TAFA5: variants seen among roughly 807,000 people sequenced by gnomAD.
TAFA5 encodes the protein TAFA chemokine like family member 5.
A neutral mutation model predicts 15.3 loss-of-function variants in TAFA5; 6 were observed. The observed-to-expected ratio is 0.39, with a 90% CI of 0.21 to 0.77. TAFA5 has a LOEUF of 0.77. Among genes scored for constraint, TAFA5 ranks in the 30% least tolerant of loss-of-function variants. The probability of loss-of-function intolerance (pLI) is 0.41; values close to 1 mark genes in which losing one functional copy is unlikely to be tolerated. For synonymous variants in TAFA5, 103 were observed against 80.7 expected (o/e 1.28, Z -1.48); for missense variants, 161 against 193.1 (o/e 0.83, Z 0.98).
At chr22:48,716,803 C>CTG (rs777709921) in intron 3 of TAFA5, among the ~76,000 whole-genome samples, 9 of 151,446 alleles carry the variant, frequency 5.9e-5, no homozygotes, top group Non-Finnish European at 1.2e-4. Flanking sequence ...TACTGTATGC[C>CTG]TGTGTGTGTG....
intron 1 of TAFA5, among the ~76,000 whole-genome samples, chr22:48,541,404 C>T (rs1922368064): frequency 6.6e-6 from 1 of 152,146 alleles, no homozygotes; most frequent in Non-Finnish European, 1.5e-5. Context: ...CCTCCCCATT[C>T]CCATGCTTTC....
intron 1 of TAFA5, among the ~76,000 whole-genome samples, chr22:48,495,146 C>T (rs1006040390): frequency 5.9e-5 from 9 of 152,200 alleles, no homozygotes; most frequent in East Asian, 3.9e-4. Flanking sequence ...GGTGAGCCTC[C>T]GCTTTGGAGG....
chr22:48,672,499 A>G (rs1390465982), intron 2 of TAFA5, among the ~76,000 whole-genome samples: 3 of 152,254 alleles, frequency 2.0e-5, no homozygotes, highest in African/African-American at 7.2e-5. Context: ...CGCATATCAG[A>G]TAAGCATTTC....
At chr22:48,646,853 C>A in intron 2 of TAFA5, 107 bp downstream of exon 2, 2 of 1,361,334 alleles carry the variant, frequency 1.5e-6, no homozygotes, top group Non-Finnish European at 2.0e-6. Context: ...TAGGCCTCAG[C>A]GCATCCTCGG....
chr22:48,661,293 G>A (rs1889703392), intron 2 of TAFA5, among the ~76,000 whole-genome samples: 4 of 152,250 alleles, frequency 2.6e-5, no homozygotes, highest in East Asian at 3.9e-4. Context: ...CCTCGGGCAC[G>A]TCTTGCCTGC....
chr22:48,572,763 T>C (rs1034578347), intron 1 of TAFA5, among the ~76,000 whole-genome samples: 2 of 152,220 alleles, frequency 1.3e-5, no homozygotes, highest in African/African-American at 2.4e-5. Context: ...GTGTTTTCTT[T>C]ATGAACACAT....
chr22:48,553,475 CAGG>C (rs1922926515), intron 1 of TAFA5, among the ~76,000 whole-genome samples: 1 of 152,168 alleles, frequency 6.6e-6, no homozygotes, highest in South Asian at 2.1e-4. Flanking sequence ...ACTGGACACC[CAGG>C]AGGAGGATGG....
intron 1 of TAFA5, among the ~76,000 whole-genome samples, chr22:48,599,333 T>G (rs1569041617): frequency 6.6e-6 from 1 of 152,204 alleles, no homozygotes; most frequent in South Asian, 2.1e-4. Flanking sequence ...CAGAAGACAC[T>G]TTCCACTCTG....
chr22:48,644,256 C>G (rs148469093), intron 1 of TAFA5, among the ~76,000 whole-genome samples: 2 of 152,176 alleles, frequency 1.3e-5, no homozygotes, highest in Non-Finnish European at 2.9e-5. Flanking sequence ...TTTTGCTCAT[C>G]GTGGGAGGGG....
Position 48,751,283 on chromosome 22 carries a change from C to T in TAFA5, c.*1436C>T, listed in dbSNP as rs1030140032. ...CTGTGTCCCCGCGTTCTGAGAAGTC[C>T]TCTGTCTTCGTGTCACTAGGTCCAG... On this transcript the variant is annotated 3_prime_UTR_variant, in exon 4 of 4. Transcript: ENST00000402357. The T allele has an allele frequency of 6.6e-6, 1 of 152,466 alleles. No homozygotes were observed. Among genetic ancestry groups the T allele is most frequent in the Admixed American group, 6.5e-5 (1 of 15,290 alleles). The allele number at this position is 152,466 out of a possible 1,614,324, so 9.4% of individuals were successfully genotyped here. A position where few individuals can be genotyped will look rare whatever the true frequency, so the allele number is the denominator to read the frequency against.
chr22:48,593,154 G>A (rs1006164731), intron 1 of TAFA5, among the ~76,000 whole-genome samples: 5 of 152,164 alleles, frequency 3.3e-5, no homozygotes, highest in Admixed American at 6.5e-5. Context: ...CCTGGGAGAC[G>A]CCATCACTCT....
chr22:48,536,386 G>T (rs16999349), intron 1 of TAFA5, among the ~76,000 whole-genome samples: 1 of 152,182 alleles, frequency 6.6e-6, no homozygotes, highest in Non-Finnish European at 1.5e-5. Context: ...CATAAAAGAC[G>T]AGCCCGGAGA....
intron 2 of TAFA5, among the ~76,000 whole-genome samples, chr22:48,665,209 T>C (rs1927570416): frequency 1.3e-5 from 2 of 152,198 alleles, no homozygotes; most frequent in Non-Finnish European, 2.9e-5. Context: ...GCCCAATAGC[T>C]GCTTTTTATG....
rs1007522927 is a variant in TAFA5 at position 48,496,791 on chromosome 22, G to A, written c.112+7087G>A. On this transcript the variant is annotated intron_variant, in intron 1 of 3. Coordinates refer to ENST00000402357, the MANE Select transcript of TAFA5 (RefSeq NM_001082967.3). ...CCCTGGTTTCCTGGGGGTTAACGGC[G>A]TAGGCTGTGCCACCTAAAGGCACAT... Among the ~76,000 whole-genome samples, 9 of 152,296 alleles carry A rather than the reference G, an allele frequency of 5.9e-5. No individual in the cohort carries two copies. The Middle Eastern group carries it at 0.01, about 173-fold the overall frequency.
intron 1 of TAFA5, among the ~76,000 whole-genome samples, chr22:48,573,091 C>T (rs1049643434): frequency 2.0e-5 from 3 of 152,230 alleles, no homozygotes; most frequent in Non-Finnish European, 4.4e-5. Context: ...CTGGTCTGAG[C>T]TACACTAGCC....
Position 48,595,530 on chromosome 22 carries a change from A to T in TAFA5, c.113-51067A>T, listed in dbSNP as rs527301134. ...AGAAGAGCCCAGGTCTCGTCTCTGG[A>T]TTGAAGCCACTGGGGCTCTGTGGAG... On this transcript the variant is annotated intron_variant, in intron 1 of 3. Transcript: ENST00000402357. Among the ~76,000 whole-genome samples the T allele has an allele frequency of 2.6e-5, 4 of 152,348 alleles. No individual in the cohort carries two copies. The East Asian group carries it at 7.7e-4, about 29-fold the overall frequency.
rs1350037437 is a variant in TAFA5 at position 48,552,041 on chromosome 22, C to A, written c.112+62337C>A. ...TGGCCGTTCAGCTCTGACTGTCCTC[C>A]CGGCAGGAAGCGTCCTCCAGTGCTC... On this transcript the variant is annotated intron_variant, in intron 1 of 3. Transcript: ENST00000402357. This position sits in a 1 kb window ranked among gnomAD's most constrained non-coding sequence, Gnocchi z 4.1. 6.6e-6 allele frequency among the ~76,000 whole-genome samples: 1 copy of A among 152,208 alleles called. No individual in the cohort carries two copies. The highest frequency in any genetic ancestry group is 1.5e-5 in the Non-Finnish European group (1 of 68,028).
At chr22:48,671,837 A>G (rs910949326) in intron 2 of TAFA5, among the ~76,000 whole-genome samples, 1 of 152,202 alleles carries the variant, frequency 6.6e-6, no homozygotes, top group Non-Finnish European at 1.5e-5. Context: ...GACCAGGCCC[A>G]GGATTGCAGG....
chr22:48,679,017 TCCGCGTCCATCCCTCTCCTGGCTCCCCAG>T (rs1928077990), intron 2 of TAFA5, among the ~76,000 whole-genome samples: 1 of 83,282 alleles, frequency 1.2e-5, no homozygotes, highest in Non-Finnish European at 2.2e-5. Flanking sequence ...CTCTCCCGGC[TCCGCGTCCATCCCTCTCCTGGCTCCCCAG>T]CTCCCCCTCC....
Sources: gnomAD v4.1 joint callset for allele counts (sites outside exome capture counted in the v4.1 genomes callset) on GRCh38, gnomAD v4.1.1 for gene constraint, Gnocchi (gnomAD v3.1) non-coding constraint, MANE v1.5 for transcripts, NCBI Gene and HGNC (gene_info 2026-07-23, HGNC 2026-07-21) for gene names.